The following TG variants were observed in gnomAD, a reference collection of about 807,000 sequenced individuals.
The protein encoded by TG is thyroglobulin, also known as thyroid hormones.
TG carries 270 observed loss-of-function variants against 324.7 expected under a neutral mutation model. The observed-to-expected ratio is 0.83, with a 90% CI of 0.75 to 0.92. TG has a LOEUF of 0.92. Ranked by LOEUF, TG falls within the 40% of genes least tolerant of loss-of-function variation. The pLI is 0.00. For missense variants in TG, 3,591 were observed against 3,456.4 expected (o/e 1.04, Z -0.98); for synonymous variants, 1,401 against 1,327.0 (o/e 1.06, Z -1.21).
intron 37 of TG, among the ~76,000 whole-genome samples, chr8:133,015,886 G>A (rs118008126): frequency 6.6e-6 from 1 of 152,164 alleles, no homozygotes; most frequent in African/African-American, 2.4e-5. Flanking sequence ...ATATTCCAAT[G>A]TCTTTGCGAC....
At chr8:133,094,816 C>T (rs1848164352) in intron 41 of TG, 5 of 622,082 alleles carry the variant, frequency 8.0e-6, no homozygotes, top group Non-Finnish European at 1.2e-5. Context: ...ACCCTCACTT[C>T]ACAGGTTAGG....
chr8:133,088,606 A>G (rs975266781), intron 41 of TG, among the ~76,000 whole-genome samples: 5 of 152,208 alleles, frequency 3.3e-5, no homozygotes, highest in African/African-American at 1.2e-4. Flanking sequence ...TGCCTTATAA[A>G]TGTTTAATTC....
chr8:133,069,824 A>C (rs1843683652), intron 41 of TG, among the ~76,000 whole-genome samples: 2 of 151,954 alleles, frequency 1.3e-5, no homozygotes, highest in African/African-American at 4.8e-5. Flanking sequence ...AACATGGCAA[A>C]AATCTCATCT....
At position 133,047,917 on chromosome 8, in the gene TG, G is replaced by A. The variant is rs1209026264; in HGVS notation, c.7239+17894G>A. On this transcript the variant is annotated intron_variant, in intron 41 of 47. Transcript: ENST00000220616. ...AGCTCCTCGGCCTTGTCTCTGCCCAGGCCCTCAAACAGCCAGCTGGGAAGG... is the reference window on the plus strand; with the variant it reads ...AGCTCCTCGGCCTTGTCTCTGCCCAAGCCCTCAAACAGCCAGCTGGGAAGG... The A allele has an allele frequency of 2.5e-6, 4 of 1,610,038 alleles. No homozygotes were observed. In the East Asian group the frequency reaches 6.7e-5, roughly 27 times the overall value.
At chr8:133,092,235 C>T (rs1185110948) in intron 41 of TG, among the ~76,000 whole-genome samples, 2 of 152,130 alleles carry the variant, frequency 1.3e-5, no homozygotes, top group South Asian at 2.1e-4. Flanking sequence ...CTTGGCCAGG[C>T]GCAGGCCCTG....
chr8:132,885,129 TG>T (rs35717199), intron 8 of TG, among the ~76,000 whole-genome samples: 1,541 of 137,948 alleles, frequency 0.011, 5 homozygotes, highest in East Asian at 0.016. Context: ...TTTTAAAAGT[TG>T]GGGGGGGGGC....
chr8:132,894,051 T>G, intron 11 of TG, 122 bp downstream of exon 11: 2 of 1,512,676 alleles, frequency 1.3e-6, no homozygotes, highest in Non-Finnish European at 1.8e-6. Flanking sequence ...GATGGGTTCT[T>G]GGGAAGGAAA....
chr8:132,930,207 A>C (rs976234233), intron 23 of TG, among the ~76,000 whole-genome samples: 1 of 152,240 alleles, frequency 6.6e-6, no homozygotes, highest in African/African-American at 2.4e-5. Context: ...AGCTGGAGGA[A>C]ATATTTGTAG....
intron 25 of TG, among the ~76,000 whole-genome samples, chr8:132,939,086 G>A (rs1481815328): frequency 6.8e-6 from 1 of 147,316 alleles, no homozygotes; most frequent in Non-Finnish European, 1.5e-5. Context: ...ACCATGCAAA[G>A]CTCTCAGGAT....
intron 43 of TG, among the ~76,000 whole-genome samples, chr8:133,106,873 G>T (rs182932374): frequency 2.0e-3 from 306 of 152,274 alleles, no homozygotes; most frequent in African/African-American, 7.2e-3. Context: ...GCCTCGAGCT[G>T]CTCCTGGCAT....
chr8:133,102,447 G>A lies in TG; in HGVS notation c.7572+6074G>A, dbSNP rs112950684. On this transcript the variant is annotated intron_variant, in intron 43 of 47. Transcript: ENST00000220616. ...TTCTTCAGACCAAAGACGGAGGGTG[G>A]GTACAGGATCCATCAAGTCCCTCTG... The A allele has an allele frequency of 1.7e-4, 164 of 964,886 alleles. No homozygotes were observed. The Middle Eastern group carries it at 5.7e-3, about 33-fold the overall frequency. The allele number at this position is 964,886 out of a possible 1,614,324, so 59.8% of individuals were successfully genotyped here.
chr8:132,898,995 C>G (rs1817543234), intron 14 of TG, 85 bp downstream of exon 14: 1 of 1,210,282 alleles, frequency 8.3e-7, no homozygotes, highest in Non-Finnish European at 1.2e-6. Flanking sequence ...ATACGTTCAG[C>G]TTAGTTAAAA....
At chr8:133,072,049 C>T (rs550432757) in intron 41 of TG, among the ~76,000 whole-genome samples, 1 of 152,240 alleles carries the variant, frequency 6.6e-6, no homozygotes, top group East Asian at 1.9e-4. Context: ...CTATTTTGCC[C>T]CTAAGCACAA....
intron 45 of TG, among the ~76,000 whole-genome samples, chr8:133,123,281 T>G (rs555978154): frequency 6.6e-6 from 1 of 152,102 alleles, no homozygotes; most frequent in South Asian, 2.1e-4. Flanking sequence ...CCTGGCCCCT[T>G]GGAACCCCCT....
chr8:133,124,360 G>C (rs901757293), intron 45 of TG, among the ~76,000 whole-genome samples: 1 of 152,206 alleles, frequency 6.6e-6, no homozygotes, highest in Admixed American at 6.5e-5. Context: ...ATGGAAGAGT[G>C]GGGGCTGGGG....
At chr8:132,998,118 T>C (rs1833056530) in intron 35 of TG, among the ~76,000 whole-genome samples, 1 of 152,058 alleles carries the variant, frequency 6.6e-6, no homozygotes, top group Non-Finnish European at 1.5e-5. Flanking sequence ...AGAGCACAGA[T>C]AGAAGGACTG....
intron 37 of TG, among the ~76,000 whole-genome samples, chr8:133,015,080 C>A (rs955787013): frequency 1.3e-5 from 2 of 152,156 alleles, no homozygotes; most frequent in African/African-American, 4.8e-5. Context: ...GCCATGCTGG[C>A]CAGGCTGGTC....
intron 41 of TG, chr8:133,049,893 T>C (rs1206571654): frequency 5.1e-6 from 8 of 1,568,268 alleles, no homozygotes; most frequent in Non-Finnish European, 7.0e-6. Context: ...ATTTGAGAAA[T>C]GTACTCACCC....
At chr8:133,068,626 T>G (rs542046285) in intron 41 of TG, among the ~76,000 whole-genome samples, 2 of 152,330 alleles carry the variant, frequency 1.3e-5, no homozygotes, top group East Asian at 3.9e-4. Flanking sequence ...GTGCACACCC[T>G]GCAGTCTCCG....
Sources: allele counts gnomAD v4.1 joint callset (sites outside exome capture counted in the v4.1 genomes callset), GRCh38; gene constraint gnomAD v4.1.1; transcripts MANE v1.5; gene names NCBI Gene and HGNC (gene_info 2026-07-23, HGNC 2026-07-21).